IKZF2: variants seen among roughly 807,000 people sequenced by gnomAD.
IKZF2 encodes IKAROS family zinc finger 2.
Under a neutral mutation model 49.2 loss-of-function variants are expected in IKZF2, and 15 were observed. The ratio of observed to expected loss-of-function variants is 0.30; its 90% CI spans 0.20 to 0.47. IKZF2 has a LOEUF of 0.47. Among genes scored for constraint, IKZF2 ranks in the 20% least tolerant of loss-of-function variants. The probability of loss-of-function intolerance (pLI) is 1.00; values close to 1 mark genes in which losing one functional copy is unlikely to be tolerated. For missense variants in IKZF2, 567 were observed against 664.6 expected, an observed-to-expected ratio of 0.85 and a Z score of 1.61; for synonymous variants, 227 against 221.4, an observed-to-expected ratio of 1.03 and a Z score of -0.23.
intron 4 of IKZF2, among the ~76,000 whole-genome samples, chr2:213,138,193 C>A (rs1361274176): frequency 1.3e-5 from 2 of 151,958 alleles, no homozygotes; most frequent in African/African-American, 4.8e-5. Flanking sequence ...AATCTGTAAC[C>A]TTAAATGTGC....
intron 4 of IKZF2, among the ~76,000 whole-genome samples, chr2:213,141,540 G>T (rs1196223787): frequency 1.3e-5 from 2 of 151,768 alleles, no homozygotes; most frequent in Non-Finnish European, 2.9e-5. Flanking sequence ...CCAGAATATT[G>T]CATGCTATTT....
Position 213,049,917 on chromosome 2 carries a change from G to A in IKZF2, c.407-37C>T, listed in dbSNP as rs775983571. The A allele has an allele frequency of 2.1e-6, 3 of 1,436,306 alleles. No homozygotes were observed. The Admixed American group carries it at 6.6e-5, about 31-fold the overall frequency. The allele number at this position is 1,436,306 out of a possible 1,614,324, so 89.0% of individuals were successfully genotyped here. ...AGAAGAAATGGGAAGTATCAACTAGGGTATGTGCAAGTGACTAATTTGCCA... is the reference window on the plus strand; with the variant it reads ...AGAAGAAATGGGAAGTATCAACTAGAGTATGTGCAAGTGACTAATTTGCCA... On this transcript the variant is annotated intron_variant, in intron 5 of 8. Transcript: ENST00000434687.
At chr2:213,134,450 T>C (rs2060584053) in intron 4 of IKZF2, among the ~76,000 whole-genome samples, 1 of 152,228 alleles carries the variant, frequency 6.6e-6, no homozygotes, top group South Asian at 2.1e-4. Flanking sequence ...ACACACAGTA[T>C]AGTACACAAT....
At chr2:213,095,565 T>G (rs1235523684) in intron 4 of IKZF2, among the ~76,000 whole-genome samples, 1 of 152,072 alleles carries the variant, frequency 6.6e-6, no homozygotes, top group Non-Finnish European at 1.5e-5. Context: ...AATCAAAAAT[T>G]TAAAACCATG....
chr2:213,109,217 C>T (rs1238891315), intron 4 of IKZF2, among the ~76,000 whole-genome samples: 1 of 152,048 alleles, frequency 6.6e-6, no homozygotes, highest in Non-Finnish European at 1.5e-5. Context: ...ACCAAATTCT[C>T]AGCAAGTAAA....
At chr2:213,109,564 T>G (rs922993267) in intron 4 of IKZF2, among the ~76,000 whole-genome samples, 1 of 152,042 alleles carries the variant, frequency 6.6e-6, no homozygotes, top group Non-Finnish European at 1.5e-5. Flanking sequence ...AAATGAATCC[T>G]ACCAAAACTT....
chr2:213,150,041 G>A, intron 2 of IKZF2, 103 bp downstream of exon 2: 6 of 484,338 alleles, frequency 1.2e-5, no homozygotes, highest in South Asian at 1.2e-4. Context: ...GAAACGTCAG[G>A]GAGAAGCGAA....
chr2:213,135,639 C>A (rs986191446), intron 4 of IKZF2, among the ~76,000 whole-genome samples: 1 of 150,234 alleles, frequency 6.7e-6, no homozygotes, highest in Non-Finnish European at 1.5e-5. Flanking sequence ...GAGCTATAAT[C>A]GTGACACCGT....
At chr2:213,075,462 T>A (rs985691486) in intron 4 of IKZF2, among the ~76,000 whole-genome samples, 6 of 152,160 alleles carry the variant, frequency 3.9e-5, no homozygotes, top group African/African-American at 1.4e-4. Flanking sequence ...ATATATCTTA[T>A]CCTATATTTG....
At chr2:213,086,274 GT>G (rs1704586363) in intron 4 of IKZF2, among the ~76,000 whole-genome samples, 1 of 152,168 alleles carries the variant, frequency 6.6e-6, no homozygotes, top group South Asian at 2.1e-4. Context: ...TGCTGTAACT[GT>G]TTGAATAGTT....
intron 4 of IKZF2, among the ~76,000 whole-genome samples, chr2:213,087,615 G>C (rs888886090): frequency 2.6e-5 from 4 of 152,014 alleles, no homozygotes; most frequent in African/African-American, 9.7e-5. Flanking sequence ...ATTTACATTA[G>C]GTATATCTCC....
At chr2:213,074,641 A>G (rs1486116876) in intron 4 of IKZF2, among the ~76,000 whole-genome samples, 6 of 152,138 alleles carry the variant, frequency 3.9e-5, no homozygotes, top group Non-Finnish European at 8.8e-5. Context: ...TTACATACAT[A>G]TTTTTTAGAA....
At chr2:213,032,540 C>A (rs924655160) in intron 6 of IKZF2, among the ~76,000 whole-genome samples, 23 of 152,112 alleles carry the variant, frequency 1.5e-4, no homozygotes, top group African/African-American at 5.1e-4. Flanking sequence ...TCTAGACCAG[C>A]CTGGGCAACA....
chr2:213,052,908 G>A (rs1194737943), intron 5 of IKZF2, among the ~76,000 whole-genome samples: 1 of 152,006 alleles, frequency 6.6e-6, no homozygotes, highest in African/African-American at 2.4e-5. Flanking sequence ...TTTTCTCTAT[G>A]CAAATGGTAC....
chr2:213,142,163 T>C (rs1178872020), intron 4 of IKZF2, among the ~76,000 whole-genome samples: 1 of 152,004 alleles, frequency 6.6e-6, no homozygotes, highest in African/African-American at 2.4e-5. Flanking sequence ...ACCAATAATA[T>C]GCAGTGATTT....
At position 213,112,994 on chromosome 2, in the gene IKZF2, T is replaced by C. The variant is rs77472772; in HGVS notation, c.139+34714A>G. Reference sequence around the variant, plus strand: ...TACAGTTGCTAAAAAAAGCAAAAACTTGCATCCCCAAAATACAAAAACTGT... The same window carrying C: ...TACAGTTGCTAAAAAAAGCAAAAACCTGCATCCCCAAAATACAAAAACTGT... On this transcript the variant is annotated intron_variant, in intron 4 of 8. Coordinates refer to ENST00000434687, the MANE Select transcript of IKZF2 (RefSeq NM_001387220.1). Among the ~76,000 whole-genome samples the C allele has an allele frequency of 3.3e-5, 5 of 152,034 alleles. No homozygotes were observed. In the East Asian group the frequency reaches 7.7e-4, roughly 23 times the overall value.
At chr2:213,135,817 G>A (rs763212924) in intron 4 of IKZF2, among the ~76,000 whole-genome samples, 4 of 151,880 alleles carry the variant, frequency 2.6e-5, no homozygotes, top group East Asian at 1.9e-4. Context: ...ATACAATGCC[G>A]GGCACGGTGG....
intron 4 of IKZF2, among the ~76,000 whole-genome samples, chr2:213,123,087 G>A (rs1301210634): frequency 1.2e-4 from 18 of 152,170 alleles, no homozygotes; most frequent in Non-Finnish European, 2.6e-4. Context: ...TTCAAGTGTT[G>A]CTAATATCCT....
At chr2:213,118,638 C>T (rs528267299) in intron 4 of IKZF2, among the ~76,000 whole-genome samples, 9 of 152,254 alleles carry the variant, frequency 5.9e-5, no homozygotes, top group South Asian at 2.1e-4. Flanking sequence ...ACAGGGTCAA[C>T]GAATGGCCAA....
Sources: gnomAD v4.1 joint callset for allele counts (sites outside exome capture counted in the v4.1 genomes callset) on GRCh38, gnomAD v4.1.1 for gene constraint, MANE v1.5 for transcripts, NCBI Gene and HGNC (gene_info 2026-07-23, HGNC 2026-07-21) for gene names.